TTN: variants seen among roughly 807,000 people sequenced by gnomAD.
TTN encodes the protein connectin.
TTN carries 1,525 observed loss-of-function variants against 3,223.0 expected under a neutral mutation model. The observed-to-expected ratio is 0.47, with a 90% CI of 0.45 to 0.49. The LOEUF (loss-of-function observed/expected upper bound fraction) is 0.49. TTN is among the 20% of genes least tolerant of loss of function. The pLI is 0.00. For synonymous variants in TTN, 14,094 were observed against 15,161.0 expected (o/e 0.93, Z 5.17); for missense variants, 40,786 against 43,424.0 (o/e 0.94, Z 5.40).
rs1487598111 is a variant in TTN, at chr2:178,775,399, G to A, written c.6465C>T (p.Asn2155=). Reference sequence around the variant, plus strand: ...CGTGACTGGAGGTTTCTCCAGCTATGTTGATGGCTTTTACCATGATGCTGG... The same window carrying A: ...CGTGACTGGAGGTTTCTCCAGCTATATTGATGGCTTTTACCATGATGCTGG... The part of the protein sequence containing the change: ...DSASIMVKAI[N]IAGETSSHAF... Residue 2155 remains asparagine (N), a synonymous_variant, in exon 28 of 363, where the codon AAC becomes AAT. Coordinates refer to ENST00000589042, the MANE Select transcript of TTN (RefSeq NM_001267550.2). 1.2e-6 allele frequency: 2 copies of A among 1,613,948 alleles called. No homozygotes were observed. Among genetic ancestry groups the A allele is most frequent in the African/African-American group, 2.7e-5 (2 of 74,914 alleles).
chr2:178,667,378 G>A (rs2154261880), intron 161 of TTN, 59 bp from the exon 162 acceptor site: 4 of 1,569,442 alleles, frequency 2.5e-6, no homozygotes, highest in Middle Eastern at 1.7e-4. Context: ...ATTATAAAAA[G>A]CATGCAATGT....
rs1282397568 is a variant in TTN at position 178,677,339 on chromosome 2, T to TAC, written c.34292-53_34292-52insGT. On this transcript the variant is annotated intron_variant, in intron 146 of 362. Transcript: ENST00000589042. Reference sequence around the variant, plus strand: ...TAAAAACCACATATACATGGTCATATATATATATATATATATATATATGAA... The same window carrying TAC: ...TAAAAACCACATATACATGGTCATATACATATATATATATATATATATATGAA... 3.7e-5 allele frequency: 14 copies of TAC among 374,164 alleles called. No individual in the cohort carries two copies. The South Asian group carries it at 5.9e-4, about 16-fold the overall frequency. 23.2% of individuals were successfully genotyped at this position (374,164 alleles called of 1,614,324 possible).
chr2:178,774,749 A>T, intron 29 of TTN, 172 bp downstream of exon 29: 1 of 869,262 alleles, frequency 1.2e-6, no homozygotes, highest in Non-Finnish European at 1.7e-6. Context: ...CCAAATGGTC[A>T]AATTGTTAAC....
rs1210579565 is a variant in TTN, at chr2:178,527,506, T to G, written c.107620A>C (p.Ile35874Leu). 1 of 1,613,930 alleles carries G rather than the reference T, an allele frequency of 6.2e-7. No homozygotes were observed. Among genetic ancestry groups the G allele is most frequent in the Admixed American group, 1.7e-5 (1 of 60,008 alleles). The change falls in exon 362 of 363, where the codon ATA (isoleucine) becomes CTA (leucine). Residue 35874 changes from isoleucine (I) to leucine (L), a missense_variant. Physicochemically the swap from Ile to Leu is conservative, Grantham distance 5. Transcript: ENST00000589042. ...CTTTCCAGTTGTGTCATATTAGATATTCCCATAAAGCTGCTGGAACTCATT... is the reference window on the plus strand; with the variant it reads ...CTTTCCAGTTGTGTCATATTAGATAGTCCCATAAAGCTGCTGGAACTCATT... ...VEMSSSSFMG[I>L]SNMTQLESST...
intron 164 of TTN, 116 bp downstream of exon 164, chr2:178,665,592 T>A: frequency 1.6e-6 from 2 of 1,278,832 alleles, no homozygotes; most frequent in Non-Finnish European, 2.2e-6. Flanking sequence ...GTATACAATC[T>A]TGAGGAGAGG....
At chr2:178,541,770 A>G (rs965643772) in intron 349 of TTN, 186 bp from the exon 350 acceptor site, 2 of 350,686 alleles carry the variant, frequency 5.7e-6, no homozygotes, top group Admixed American at 1.0e-4. Context: ...TAATTATTTA[A>G]TTATTTTTAT....
At chr2:178,631,427 A>T in intron 236 of TTN, 127 bp from the exon 237 acceptor site, 1 of 1,031,542 alleles carries the variant, frequency 9.7e-7, no homozygotes, top group Non-Finnish European at 1.4e-6. Context: ...GTGTTCAATC[A>T]TTTAACCTGT....
At chr2:178,723,384 AG>A in intron 74 of TTN, 33 bp downstream of exon 74, 1 of 1,604,658 alleles carries the variant, frequency 6.2e-7, no homozygotes, top group South Asian at 1.1e-5. Context: ...GTCGGTATAC[AG>A]AAAACAGAAA....
chr2:178,734,212 A>C (rs905215978), intron 52 of TTN, 116 bp downstream of exon 52: 1 of 1,333,630 alleles, frequency 7.5e-7, no homozygotes, highest in Non-Finnish European at 1.0e-6. Flanking sequence ...GGTCAAACCA[A>C]GACAAAACAA....
Position 178,592,650 on chromosome 2 carries a change from C to G in TTN, c.59355G>C (p.Glu19785Asp). ...TTGCCATGTTGGCATCAAGAATCAA[C>G]TCAGGGGGTTCTAGAATAAAGAGAA... Reference protein sequence around the residue: ...VLVKDRLEPPELILDANMARE... With the variant: ...VLVKDRLEPPDLILDANMARE... The change falls in exon 301 of 363, where the codon GAG (glutamate) becomes GAC (aspartate). Residue 19785 changes from glutamate (E) to aspartate (D), a missense_variant. Coordinates refer to ENST00000589042, the MANE Select transcript of TTN (RefSeq NM_001267550.2). 1.2e-6 allele frequency: 2 copies of G among 1,612,994 alleles called. No individual in the cohort carries two copies. Among genetic ancestry groups the G allele is most frequent in the South Asian group, 2.2e-5 (2 of 91,024 alleles).
At position 178,583,760 on chromosome 2, in the gene TTN, T is replaced by C. The variant is rs1160479149; in HGVS notation, c.65422A>G (p.Asn21808Asp). The change falls in exon 312 of 363, where the codon AAT (asparagine) becomes GAT (aspartate). Residue 21808 changes from asparagine (N) to aspartate (D), a missense_variant. By Grantham distance (23) the Asn-to-Asp change is conservative (BLOSUM62 1). Coordinates refer to ENST00000589042, the MANE Select transcript of TTN (RefSeq NM_001267550.2). ...TGGGGAATCTGGTGAGGTGCAGTAT[T>C]GCACCGTACCCATTTATCACCAGGA... ...KLPGDKWVRC[N>D]TAPHQIPQEE... The C allele has an allele frequency of 1.9e-6, 3 of 1,611,862 alleles. No homozygotes were observed. In the South Asian group the frequency reaches 3.3e-5, roughly 18 times the overall value.
rs1690504879 is a variant in TTN, at chr2:178,534,372, A to G, written c.102243T>C (p.Ser34081=). The G allele has an allele frequency of 1.2e-6, 2 of 1,611,092 alleles. No homozygotes were observed. The highest frequency in any genetic ancestry group is 4.5e-5 in the East Asian group (2 of 44,872). ...PWLKQKIERV[S]TKVIRTLKHR... is the part of the protein sequence containing the mutation. Reference sequence around the variant, plus strand: ...GTTTTAATGTTCTGATAACTTTAGTACTGACTCTTTCTATCTTCTGCTTCA... The same window carrying G: ...GTTTTAATGTTCTGATAACTTTAGTGCTGACTCTTTCTATCTTCTGCTTCA... Residue 34081 remains serine (S), a synonymous_variant, in exon 358 of 363, where the codon AGT becomes AGC. Coordinates refer to ENST00000589042, the MANE Select transcript of TTN (RefSeq NM_001267550.2).
chr2:178,634,705 A>G lies in TTN; in HGVS notation c.42151+18T>C. 1.2e-6 allele frequency: 2 copies of G among 1,612,584 alleles called. No individual in the cohort carries two copies. Among genetic ancestry groups the G allele is most frequent in the East Asian group, 2.2e-5 (1 of 44,808 alleles). On this transcript the variant is annotated intron_variant, in intron 229 of 362. Coordinates refer to ENST00000589042, the MANE Select transcript of TTN (RefSeq NM_001267550.2). This position sits in a 1 kb window ranked among gnomAD's most constrained non-coding sequence, Gnocchi z 4.6. ...AAATAAAGTTGAGACCCCTCCCCAAATTCTAAAAGCCCCATACCTTTTACT... is the reference window on the plus strand; with the variant it reads ...AAATAAAGTTGAGACCCCTCCCCAAGTTCTAAAAGCCCCATACCTTTTACT...
At position 178,531,160 on chromosome 2, in the gene TTN, G is replaced by T; in HGVS notation, c.105455C>A (p.Thr35152Asn). 1 of 1,613,950 alleles carries T rather than the reference G, an allele frequency of 6.2e-7. No homozygotes were observed. The highest frequency in any genetic ancestry group is 8.5e-7 in the Non-Finnish European group (1 of 1,179,876). ...EGESARFSCDTDGEPVPTVTW... is the reference protein window; with the variant it reads ...EGESARFSCDNDGEPVPTVTW... ...CACAGTTGGTACCGGCTCACCATCG[G>T]TGTCACAAGAAAACCTTGCAGACTC... Residue 35152 changes from threonine (T) to asparagine (N), a missense_variant, in exon 358 of 363, where the codon ACC (threonine) becomes AAC (asparagine). Thr to Asn is a moderately conservative substitution (Grantham distance 65). Transcript: ENST00000589042.
At position 178,563,235 on chromosome 2, in the gene TTN, CTG is replaced by C. The variant is rs796267411; in HGVS notation, c.82895_82896del (p.Thr27632SerfsTer5). 6.2e-7 allele frequency: 1 copy of C among 1,613,692 alleles called. No homozygotes were observed. On this transcript the variant is annotated frameshift_variant, in exon 326 of 363. Coordinates refer to ENST00000589042, the MANE Select transcript of TTN (RefSeq NM_001267550.2). LOFTEE classifies it high-confidence loss of function. The surrounding 1 kb of genome is among the most constrained non-coding windows in gnomAD (Gnocchi z 4.5). ...PPTGLQGKQF[T>X]VTKLKENTEY... ...TCAGTGTTTTCTTTAAGCTTGGTCA[CTG>C]TGAACTGCTTTCCTTGTAATCCTGT...
At chr2:178,609,012 C>T in intron 273 of TTN, 104 bp from the exon 274 acceptor site, 1 of 1,430,030 alleles carries the variant, frequency 7.0e-7, no homozygotes, top group Non-Finnish European at 9.4e-7. Context: ...GTGGTTTTCC[C>T]ACATCTATCT....
At chr2:178,757,491 G>A in intron 45 of TTN, 51 bp downstream of exon 45, 5 of 1,494,310 alleles carry the variant, frequency 3.3e-6, no homozygotes, top group South Asian at 1.5e-5. Context: ...GTAACAGTGG[G>A]ACTGAGAGGT....
intron 154 of TTN, 45 bp from the exon 155 acceptor site, chr2:178,672,312 GAA>G: frequency 6.2e-7 from 1 of 1,604,480 alleles, no homozygotes; most frequent in Non-Finnish European, 8.5e-7. Flanking sequence ...AAACACTGAA[GAA>G]ATAAAGATGT....
intron 265 of TTN, 41 bp from the exon 266 acceptor site, chr2:178,612,617 A>T: frequency 6.7e-7 from 1 of 1,499,092 alleles, no homozygotes; most frequent in Non-Finnish European, 9.1e-7. Flanking sequence ...TTTTTTTTTT[A>T]TTACCCAATA....
Sources: gnomAD v4.1 joint callset for allele counts on GRCh38, gnomAD v4.1.1 for gene constraint, Gnocchi (gnomAD v3.1) non-coding constraint, MANE v1.5 for transcripts, NCBI Gene and HGNC (gene_info 2026-07-23, HGNC 2026-07-21) for gene names.